Variants in LRP1B observed in about 807,000 individuals in gnomAD.
The protein encoded by LRP1B is low-density lipoprotein receptor-related protein 1B.
In LRP1B, 217 loss-of-function variants were observed where a neutral mutation model predicts 556.6. The ratio of observed to expected loss-of-function variants is 0.39; its 90% CI spans 0.35 to 0.44. The LOEUF (loss-of-function observed/expected upper bound fraction) is 0.44, where lower values mean the gene tolerates loss of function less well. Among genes scored for constraint, LRP1B ranks in the 20% least tolerant of loss-of-function variants. The probability of loss-of-function intolerance (pLI) is 1.00; values close to 1 mark genes in which losing one functional copy is unlikely to be tolerated. For synonymous variants in LRP1B, 2,047 were observed against 1,865.8 expected (o/e 1.10, Z -2.50); for missense variants, 5,053 against 5,620.8 (o/e 0.90, Z 3.23).
intron 1 of LRP1B, among the ~76,000 whole-genome samples, chr2:141,880,871 ACTTATT>A (rs66638820): frequency 0.38 from 57,743 of 151,356 alleles, 11,680 homozygotes; most frequent in Admixed American, 0.49. Context: ...AATTATGATA[ACTTATT>A]CTTATTTTGA....
intron 71 of LRP1B, 136 bp downstream of exon 71, chr2:140,370,574 T>C: frequency 8.3e-7 from 1 of 1,205,310 alleles, no homozygotes; most frequent in Non-Finnish European, 1.1e-6. Context: ...CAGGCTGCTA[T>C]GTAATGAAAC....
intron 2 of LRP1B, among the ~76,000 whole-genome samples, chr2:141,544,331 C>CTTCTTCTTCTTCTTCTTTTCTTCTT (rs1559131082): frequency 3.4e-5 from 1 of 29,504 alleles, no homozygotes; most frequent in Admixed American, 4.6e-4. Context: ...TCTTCTTCTT[C>CTTCTTCTTCTTCTTCTTTTCTTCTT]TTCTTCTTCT....
chr2:140,364,848 T>C (rs2105152373), intron 71 of LRP1B, 65 bp from the exon 72 acceptor site: 1 of 1,471,672 alleles, frequency 6.8e-7, no homozygotes, highest in African/African-American at 1.4e-5. Flanking sequence ...GCAGGATCCA[T>C]ATTCTTCTGA....
At chr2:140,748,825 T>TG in intron 35 of LRP1B, among the ~76,000 whole-genome samples, 2 of 92,320 alleles carry the variant, frequency 2.2e-5, no homozygotes, top group African/African-American at 9.3e-5. Flanking sequence ...ATATAATATA[T>TG]ATCATATATT....
At chr2:141,423,645 G>T (rs189494285) in intron 3 of LRP1B, among the ~76,000 whole-genome samples, 1 of 151,924 alleles carries the variant, frequency 6.6e-6, no homozygotes. Context: ...ACAATAAAAC[G>T]CTCTCCTGCC....
At chr2:140,308,749 CACTT>C (rs967841395) in intron 83 of LRP1B, among the ~76,000 whole-genome samples, 9 of 151,758 alleles carry the variant, frequency 5.9e-5, no homozygotes, top group African/African-American at 2.2e-4. Flanking sequence ...ATTTAAGTGA[CACTT>C]AAACTGCAGA....
chr2:141,913,561 C>T (rs1401176325), intron 1 of LRP1B, among the ~76,000 whole-genome samples: 2 of 152,040 alleles, frequency 1.3e-5, no homozygotes, highest in East Asian at 3.9e-4. Flanking sequence ...CCTGGAGTTT[C>T]TTCCTACCTC....
At chr2:140,945,903 C>T (rs183816032) in intron 20 of LRP1B, among the ~76,000 whole-genome samples, 271 of 152,140 alleles carry the variant, frequency 1.8e-3, no homozygotes, top group African/African-American at 6.3e-3. Context: ...AAATAAACTG[C>T]CAACAGAGTA....
intron 35 of LRP1B, among the ~76,000 whole-genome samples, chr2:140,718,066 AT>A (rs1687272898): frequency 6.6e-6 from 1 of 152,106 alleles, no homozygotes; most frequent in Non-Finnish European, 1.5e-5. Context: ...TTGCATAAAT[AT>A]TAAGCATTGT....
chr2:141,797,887 A>C (rs1695875565), intron 2 of LRP1B, among the ~76,000 whole-genome samples: 1 of 152,210 alleles, frequency 6.6e-6, no homozygotes, highest in Non-Finnish European at 1.5e-5. Context: ...GGTAAACATC[A>C]ATATCATAAT....
chr2:141,544,076 T>G (rs1343319675), intron 2 of LRP1B, among the ~76,000 whole-genome samples: 3 of 152,150 alleles, frequency 2.0e-5, no homozygotes, highest in East Asian at 3.9e-4. Flanking sequence ...TGTTAATTTT[T>G]TCGTGGTCTT....
intron 3 of LRP1B, among the ~76,000 whole-genome samples, chr2:141,269,698 T>C (rs1685015590): frequency 6.6e-6 from 1 of 152,092 alleles, no homozygotes; most frequent in Non-Finnish European, 1.5e-5. Flanking sequence ...TCAGAGTTGC[T>C]AAAATACATT....
chr2:142,063,280 CTTAA>C (rs978728564), intron 1 of LRP1B, among the ~76,000 whole-genome samples: 2 of 151,466 alleles, frequency 1.3e-5, no homozygotes, highest in African/African-American at 4.8e-5. Flanking sequence ...TGTTCCTCAT[CTTAA>C]TTGTTTTCTA....
At chr2:140,588,827 C>A (rs1682097311) in intron 43 of LRP1B, among the ~76,000 whole-genome samples, 1 of 92,954 alleles carries the variant, frequency 1.1e-5, no homozygotes, top group Admixed American at 1.3e-4. Flanking sequence ...GGTGTGGTGG[C>A]ACACGCCTGT....
chr2:141,997,898 T>C (rs1303085270), intron 1 of LRP1B, among the ~76,000 whole-genome samples: 1 of 152,124 alleles, frequency 6.6e-6, no homozygotes, highest in East Asian at 1.9e-4. Context: ...TTTTTCCTTA[T>C]GGAAACTCAA....
At position 141,026,524 on chromosome 2, in the gene LRP1B, A is replaced by G. The variant is rs1348077274; in HGVS notation, c.1790-6422T>C. Among the ~76,000 whole-genome samples the G allele has an allele frequency of 5.3e-5, 8 of 152,234 alleles. No homozygotes were observed. The East Asian group carries it at 1.5e-3, about 29-fold the overall frequency. ...ATTTACAATTACCATGGCATAGAAC[A>G]AATGTGTTATCTCATGTGACCATAC... On this transcript the variant is annotated intron_variant, in intron 11 of 90. Transcript: ENST00000389484.
At chr2:140,270,099 G>A (rs1368048402) in intron 86 of LRP1B, 143 bp downstream of exon 86, 3 of 605,278 alleles carry the variant, frequency 5.0e-6, no homozygotes, top group Admixed American at 5.6e-5. Context: ...CAGCACATGA[G>A]CTGATGAGGG....
chr2:141,767,962 C>T (rs1214287904), intron 2 of LRP1B, among the ~76,000 whole-genome samples: 1 of 152,000 alleles, frequency 6.6e-6, no homozygotes, highest in Non-Finnish European at 1.5e-5. Flanking sequence ...CAAAAGAAGA[C>T]AATAACCCAC....
chr2:140,277,020 T>G (rs1321279048), intron 84 of LRP1B, among the ~76,000 whole-genome samples: 2 of 151,910 alleles, frequency 1.3e-5, no homozygotes, highest in African/African-American at 4.8e-5. Context: ...CCAAAATAGC[T>G]TATTTATTAA....
Sources: allele counts gnomAD v4.1 joint callset (sites outside exome capture counted in the v4.1 genomes callset), GRCh38; gene constraint gnomAD v4.1.1; transcripts MANE v1.5; gene names NCBI Gene and HGNC (gene_info 2026-07-23, HGNC 2026-07-21).